VRK2: variants seen among roughly 807,000 people sequenced by gnomAD.
The protein encoded by VRK2 is serine/threonine-protein kinase VRK2.
VRK2 carries 60 observed loss-of-function variants against 57.6 expected under a neutral mutation model. The ratio of observed to expected loss-of-function variants is 1.04; its 90% CI spans 0.85 to 1.29. The LOEUF (loss-of-function observed/expected upper bound fraction) is 1.29. VRK2 is among the 50% of genes most tolerant of loss of function. VRK2 has a pLI of 0.00. For missense variants in VRK2, 705 were observed against 588.1 expected (o/e 1.20, Z -2.06); for synonymous variants, 231 against 199.2 (o/e 1.16, Z -1.35).
At chr2:58,145,084 C>T (rs1050898936) in intron 11 of VRK2, among the ~76,000 whole-genome samples, 1 of 151,950 alleles carries the variant, frequency 6.6e-6, no homozygotes, top group African/African-American at 2.4e-5. Flanking sequence ...AAGGTGATGG[C>T]ACTTTCAGCT....
intron 7 of VRK2, among the ~76,000 whole-genome samples, chr2:58,101,325 C>G (rs1393997397): frequency 6.6e-6 from 1 of 151,456 alleles, no homozygotes; most frequent in Non-Finnish European, 1.5e-5. Context: ...AATTTTTTAT[C>G]TATTTTAGAT....
intron 1 of VRK2, among the ~76,000 whole-genome samples, chr2:57,911,114 T>C (rs1387249011): frequency 6.6e-6 from 1 of 151,984 alleles, no homozygotes; most frequent in Non-Finnish European, 1.5e-5. Flanking sequence ...CTCAGTTTCC[T>C]CATCGGCAAA....
intron 2 of VRK2, among the ~76,000 whole-genome samples, chr2:58,062,467 G>A (rs865817913): frequency 6.6e-6 from 1 of 152,020 alleles, no homozygotes; most frequent in Admixed American, 6.6e-5. Flanking sequence ...AAGGCATGTC[G>A]AAAGCTCAGA....
chr2:57,951,100 A>T (rs548257987), intron 1 of VRK2, among the ~76,000 whole-genome samples: 2 of 152,278 alleles, frequency 1.3e-5, no homozygotes, highest in Non-Finnish European at 2.9e-5. Context: ...CAAAAAAAAA[A>T]TAATAAATAA....
At chr2:58,099,397 G>A (rs185462684) in intron 7 of VRK2, among the ~76,000 whole-genome samples, 4 of 151,930 alleles carry the variant, frequency 2.6e-5, no homozygotes, top group South Asian at 2.1e-4. Flanking sequence ...ACTTGCCTTC[G>A]TGTTGTCTTA....
At chr2:58,047,979 T>A (rs1343265700) in intron 1 of VRK2, among the ~76,000 whole-genome samples, 1 of 152,260 alleles carries the variant, frequency 6.6e-6, no homozygotes, top group Non-Finnish European at 1.5e-5. Context: ...ACTTAGAGGA[T>A]CATGGTTACC....
chr2:58,115,149 A>G (rs1238406922), intron 7 of VRK2, among the ~76,000 whole-genome samples: 1 of 152,142 alleles, frequency 6.6e-6, no homozygotes, highest in Non-Finnish European at 1.5e-5. Flanking sequence ...GTGTGTGGCG[A>G]TTAGGCCTGG....
intron 7 of VRK2, among the ~76,000 whole-genome samples, chr2:58,105,788 G>C (rs1674664685): frequency 6.6e-6 from 1 of 151,750 alleles, no homozygotes; most frequent in Non-Finnish European, 1.5e-5. Context: ...TAGCACTATT[G>C]CTAGCGACCT....
intron 1 of VRK2, among the ~76,000 whole-genome samples, chr2:57,947,812 A>G (rs1351410028): frequency 6.6e-6 from 1 of 152,170 alleles, no homozygotes; most frequent in African/African-American, 2.4e-5. Context: ...CTTCTATATT[A>G]TTCAAATGAG....
At chr2:57,985,346 A>C (rs1672561729) in intron 1 of VRK2, among the ~76,000 whole-genome samples, 1 of 152,092 alleles carries the variant, frequency 6.6e-6, no homozygotes, top group South Asian at 2.1e-4. Flanking sequence ...CAAAACTTAG[A>C]ATTAATAAAC....
At chr2:58,030,321 T>C (rs1169298389) in intron 2 of VRK2, among the ~76,000 whole-genome samples, 2 of 152,148 alleles carry the variant, frequency 1.3e-5, no homozygotes, top group Non-Finnish European at 2.9e-5. Context: ...TTGTTTTAAA[T>C]ATCATTTTTA....
intron 7 of VRK2, among the ~76,000 whole-genome samples, chr2:58,096,512 G>A (rs145931281): frequency 3.3e-5 from 5 of 151,770 alleles, no homozygotes; most frequent in East Asian, 1.9e-4. Context: ...TTATTTGTGC[G>A]GTGGTCTGCA....
At chr2:57,952,387 T>A (rs186998578) in intron 1 of VRK2, among the ~76,000 whole-genome samples, 44 of 152,254 alleles carry the variant, frequency 2.9e-4, no homozygotes, top group African/African-American at 1.0e-3. Context: ...GAGATCTTAA[T>A]AGAGATTAAA....
rs1458849620 is a variant in VRK2 at position 58,131,836 on chromosome 2, C to T, written c.705C>T (p.Ile235=). Residue 235 remains isoleucine, a synonymous_variant, in exon 9 of 13, where the codon ATC becomes ATT. Transcript: ENST00000340157. ...TGTCCAGACGAAGTGACGTTGAGATCCTCGGCTACTGCATGCTGCGGTGGT... is the reference window on the plus strand; with the variant it reads ...TGTCCAGACGAAGTGACGTTGAGATTCTCGGCTACTGCATGCTGCGGTGGT... ...VALSRRSDVE[I]LGYCMLRWLC... is the part of the protein sequence containing the mutation. 5 of 1,613,444 alleles carry T rather than the reference C, an allele frequency of 3.1e-6. No individual in the cohort carries two copies. Among genetic ancestry groups the T allele is most frequent in the Non-Finnish European group, 4.2e-6 (5 of 1,179,790 alleles).
chr2:58,145,134 G>C (rs1681921894), intron 11 of VRK2, among the ~76,000 whole-genome samples: 1 of 151,980 alleles, frequency 6.6e-6, no homozygotes, highest in Non-Finnish European at 1.5e-5. Flanking sequence ...CTTCATATAA[G>C]GACCTTCGCT....
At chr2:58,046,654 C>T (rs1674783532), upstream of VRK2, 1 of 985,658 alleles carries the variant, frequency 1.0e-6, no homozygotes, top group Non-Finnish European at 1.2e-6. Context: ...GGACAGGCCG[C>T]TGAAAGGAAC....
intron 10 of VRK2, among the ~76,000 whole-genome samples, chr2:58,137,233 CATATATATCATATATATGATAT>C (rs1558687431): frequency 1.0e-4 from 3 of 29,414 alleles, no homozygotes; most frequent in African/African-American, 2.6e-4. Flanking sequence ...TCATATGATA[CATATATATCATATATATGATAT>C]ATATGATATA....
At chr2:58,138,490 A>G (rs1243600205) in intron 10 of VRK2, among the ~76,000 whole-genome samples, 1 of 152,216 alleles carries the variant, frequency 6.6e-6, no homozygotes, top group Non-Finnish European at 1.5e-5. Flanking sequence ...TTCCCAGGAA[A>G]TAGCTCTGTA....
Position 58,159,846 on chromosome 2 carries a change from AAAAT to A in VRK2, c.*157_*160del. ...TTAACAAAGTTTGTGGACACTCTAA[AAAAT>A]AAAATTGCTTTGTACTAGAAATAGT... On this transcript the variant is annotated 3_prime_UTR_variant, in exon 13 of 13. Transcript: ENST00000340157. 6.2e-7 allele frequency: 1 copy of A among 1,608,086 alleles called. No individual in the cohort carries two copies. The highest frequency in any genetic ancestry group is 8.5e-7 in the Non-Finnish European group (1 of 1,178,032).
Sources: allele counts gnomAD v4.1 joint callset (sites outside exome capture counted in the v4.1 genomes callset), GRCh38; gene constraint gnomAD v4.1.1; transcripts MANE v1.5; gene names NCBI Gene and HGNC (gene_info 2026-07-23, HGNC 2026-07-21).